MACROD2: variants seen among roughly 807,000 people sequenced by gnomAD.
MACROD2 encodes ADP-ribose glycohydrolase MACROD2.
A neutral mutation model predicts 70.4 loss-of-function variants in MACROD2; 36 were observed. The ratio of observed to expected loss-of-function variants is 0.51; its 90% CI spans 0.39 to 0.68. The LOEUF is 0.68. Ranked by LOEUF, MACROD2 falls within the 30% of genes least tolerant of loss-of-function variation. The probability of loss-of-function intolerance (pLI) is 0.00; values close to 1 mark genes in which losing one functional copy is unlikely to be tolerated. For synonymous variants in MACROD2, 172 were observed against 178.8 expected (o/e 0.96, Z 0.30); for missense variants, 496 against 538.4 (o/e 0.92, Z 0.78).
intron 5 of MACROD2, among the ~76,000 whole-genome samples, chr20:14,747,148 G>A (rs1472837072): frequency 2.0e-5 from 3 of 152,116 alleles, no homozygotes; most frequent in Non-Finnish European, 4.4e-5. Context: ...TCCAAGCTGG[G>A]AGTCCCAGAG....
At chr20:14,930,666 G>A (rs1055689831) in intron 5 of MACROD2, among the ~76,000 whole-genome samples, 9 of 150,600 alleles carry the variant, frequency 6.0e-5, no homozygotes. Flanking sequence ...GGGCACAGTG[G>A]CTCATGCCTG....
chr20:15,334,251 T>C (rs948386615), intron 6 of MACROD2, among the ~76,000 whole-genome samples: 1 of 151,766 alleles, frequency 6.6e-6, no homozygotes, highest in African/African-American at 2.4e-5. Flanking sequence ...GAATATCCAG[T>C]GAAGATTTCT....
chr20:15,922,794 C>T (rs2065430173), intron 10 of MACROD2, among the ~76,000 whole-genome samples: 1 of 152,192 alleles, frequency 6.6e-6, no homozygotes, highest in Admixed American at 6.5e-5. Flanking sequence ...AGGGGGTGGG[C>T]CCCCAACTTG....
chr20:14,768,171 G>A (rs2072116705), intron 5 of MACROD2, among the ~76,000 whole-genome samples: 1 of 152,052 alleles, frequency 6.6e-6, no homozygotes, highest in Non-Finnish European at 1.5e-5. Context: ...GGATGGCTGG[G>A]TCAAATGGTA....
intron 6 of MACROD2, among the ~76,000 whole-genome samples, chr20:15,363,617 T>C (rs972817755): frequency 2.5e-4 from 38 of 152,116 alleles, no homozygotes; most frequent in African/African-American, 8.5e-4. Context: ...ATATAAACTC[T>C]TCTGCAGGCA....
At chr20:15,884,385 C>T (rs1477008441) in intron 9 of MACROD2, among the ~76,000 whole-genome samples, 2 of 151,992 alleles carry the variant, frequency 1.3e-5, no homozygotes, top group African/African-American at 4.8e-5. Flanking sequence ...TAAGTGTTGC[C>T]ATCCATGTGG....
At chr20:14,651,266 C>G (rs926777972) in intron 4 of MACROD2, among the ~76,000 whole-genome samples, 2 of 151,684 alleles carry the variant, frequency 1.3e-5, no homozygotes, top group Admixed American at 1.3e-4. Flanking sequence ...GTCATGATGC[C>G]AAAGAGAAAA....
chr20:14,354,627 TCAC>T (rs778939896), intron 3 of MACROD2, among the ~76,000 whole-genome samples: 1 of 152,188 alleles, frequency 6.6e-6, no homozygotes, highest in African/African-American at 2.4e-5. Flanking sequence ...TATTTTAGAT[TCAC>T]GGGTACCTGT....
chr20:14,251,936 T>G (rs949577522), intron 3 of MACROD2, among the ~76,000 whole-genome samples: 1 of 152,056 alleles, frequency 6.6e-6, no homozygotes, highest in African/African-American at 2.4e-5. Context: ...AGTTTTTTCT[T>G]GAGGTTTAAT....
At chr20:15,060,083 G>A (rs909300665) in intron 5 of MACROD2, among the ~76,000 whole-genome samples, 1 of 152,166 alleles carries the variant, frequency 6.6e-6, no homozygotes, top group Middle Eastern at 3.2e-3. Context: ...TATACAAAAT[G>A]CCATTTGATA....
At chr20:14,041,009 A>G (rs1298679456) in intron 2 of MACROD2, among the ~76,000 whole-genome samples, 2 of 152,198 alleles carry the variant, frequency 1.3e-5, no homozygotes, top group Non-Finnish European at 1.5e-5. Flanking sequence ...TGAGTGAAGA[A>G]GAAAAATAGT....
chr20:15,962,875 C>A (rs1220238477), intron 12 of MACROD2, among the ~76,000 whole-genome samples: 1 of 152,180 alleles, frequency 6.6e-6, no homozygotes, highest in Non-Finnish European at 1.5e-5. Flanking sequence ...CCTTATTTAT[C>A]CAGCTTCACT....
intron 5 of MACROD2, among the ~76,000 whole-genome samples, chr20:14,735,835 CCA>C (rs1241330463): frequency 2.0e-5 from 3 of 151,802 alleles, no homozygotes; most frequent in African/African-American, 7.3e-5. Flanking sequence ...GTTGACAGAG[CCA>C]GACTCGGACT....
intron 4 of MACROD2, among the ~76,000 whole-genome samples, chr20:14,684,062 A>G (rs1363613454): frequency 6.6e-6 from 1 of 152,152 alleles, no homozygotes; most frequent in Non-Finnish European, 1.5e-5. Context: ...AGGCGCCCAG[A>G]TGTAAAGCTA....
intron 8 of MACROD2, among the ~76,000 whole-genome samples, chr20:15,688,640 C>T (rs992936256): frequency 1.6e-4 from 25 of 152,100 alleles, no homozygotes; most frequent in Admixed American, 5.2e-4. Flanking sequence ...CCTTGATATA[C>T]GGAAGAAAAT....
chr20:14,368,074 T>C (rs980741881), intron 3 of MACROD2, among the ~76,000 whole-genome samples: 29 of 152,384 alleles, frequency 1.9e-4, no homozygotes, highest in Admixed American at 5.9e-4. Context: ...TGATATTCTC[T>C]ACTTGTTTAT....
At chr20:15,785,058 A>C (rs947348178) in intron 8 of MACROD2, among the ~76,000 whole-genome samples, 66 of 151,364 alleles carry the variant, frequency 4.4e-4, no homozygotes, top group Middle Eastern at 3.4e-3. Flanking sequence ...AGGCTGAGGC[A>C]GGAGAATGGC....
At chr20:15,038,780 G>T (rs2075333407) in intron 5 of MACROD2, among the ~76,000 whole-genome samples, 1 of 152,198 alleles carries the variant, frequency 6.6e-6, no homozygotes, top group Non-Finnish European at 1.5e-5. Flanking sequence ...AGTTTGGGTT[G>T]AGGAAGGCAA....
At chr20:14,611,601 G>A (rs114257693) in intron 4 of MACROD2, among the ~76,000 whole-genome samples, 3,232 of 152,008 alleles carry the variant, frequency 0.021, 118 homozygotes, top group African/African-American at 0.074. Flanking sequence ...CTGTACCGAA[G>A]GGCCTGGCTC....
Sources: allele counts gnomAD v4.1 joint callset (sites outside exome capture counted in the v4.1 genomes callset), GRCh38; gene constraint gnomAD v4.1.1; transcripts MANE v1.5; gene names NCBI Gene and HGNC (gene_info 2026-07-23, HGNC 2026-07-21).